The following ALDH1L2 variants were observed in gnomAD, a reference collection of about 807,000 sequenced individuals.
ALDH1L2 encodes the protein aldehyde dehydrogenase 1 family member L2.
ALDH1L2 carries 91 observed loss-of-function variants against 111.0 expected under a neutral mutation model. The observed-to-expected ratio is 0.82, with a 90% CI of 0.69 to 0.98. ALDH1L2 has a LOEUF of 0.98. Ranked by LOEUF, ALDH1L2 falls within the 50% of genes least tolerant of loss-of-function variation. The pLI is 0.00. For missense variants in ALDH1L2, 995 were observed against 1,126.8 expected (o/e 0.88, Z 1.67); for synonymous variants, 374 against 392.6 (o/e 0.95, Z 0.56).
chr12:105,081,252 A>G (rs554329969), intron 1 of ALDH1L2, among the ~76,000 whole-genome samples: 44 of 152,334 alleles, frequency 2.9e-4, no homozygotes, highest in Non-Finnish European at 5.7e-4. Context: ...GCATCTATTA[A>G]TATTATATCC....
chr12:105,028,445 G>A (rs1435528258), intron 21 of ALDH1L2, among the ~76,000 whole-genome samples: 1 of 152,220 alleles, frequency 6.6e-6, no homozygotes, highest in Non-Finnish European at 1.5e-5. Flanking sequence ...CTCCAGCAAA[G>A]ACACAGGATC....
intron 17 of ALDH1L2, among the ~76,000 whole-genome samples, chr12:105,038,547 G>A (rs963113404): frequency 2.0e-5 from 3 of 152,000 alleles, no homozygotes; most frequent in Non-Finnish European, 4.4e-5. Context: ...TGTGACTGTA[G>A]TGTCAGCTAC....
chr12:105,053,063 A>T (rs757961795), intron 10 of ALDH1L2, 132 bp from the exon 11 acceptor site: 5 of 1,096,520 alleles, frequency 4.6e-6, no homozygotes, highest in Non-Finnish European at 6.5e-6. Context: ...TGTACAGAAG[A>T]CATGCATATG....
chr12:105,052,121 T>C lies in ALDH1L2; in HGVS notation c.1504A>G (p.Asn502Asp). 6.2e-7 allele frequency: 1 copy of C among 1,610,226 alleles called. No homozygotes were observed. The highest frequency in any genetic ancestry group is 1.3e-5 in the African/African-American group (1 of 74,898). Residue 502 changes from asparagine to aspartate, a missense_variant, in exon 12 of 23, where the codon AAT (asparagine) becomes GAT (aspartate). Transcript: ENST00000258494. ...ATCAATCTTCCTCTTTCTCTTGCAT[T>C]CATTCTTCCCCATTCACCGTTTTCA... Reference protein sequence around the residue: ...AFENGEWGRMNARERGRLMYR... With the variant: ...AFENGEWGRMDARERGRLMYR...
At chr12:105,045,414 G>A (rs1043008375) in intron 15 of ALDH1L2, among the ~76,000 whole-genome samples, 1 of 151,726 alleles carries the variant, frequency 6.6e-6, no homozygotes, top group Non-Finnish European at 1.5e-5. Context: ...CCATTAATTA[G>A]CAATATATAC....
intron 3 of ALDH1L2, among the ~76,000 whole-genome samples, chr12:105,069,481 T>C (rs1877556616): frequency 6.6e-6 from 1 of 152,210 alleles, no homozygotes; most frequent in South Asian, 2.1e-4. Context: ...AGAAATTGAC[T>C]GGCATTGCTA....
intron 4 of ALDH1L2, among the ~76,000 whole-genome samples, chr12:105,067,877 A>G (rs925677227): frequency 3.9e-5 from 6 of 152,238 alleles, no homozygotes; most frequent in African/African-American, 1.2e-4. Flanking sequence ...AGCACCTACC[A>G]TGGGCCAGAT....
chr12:105,031,202 G>A (rs1472598469), intron 20 of ALDH1L2, among the ~76,000 whole-genome samples: 2 of 152,134 alleles, frequency 1.3e-5, no homozygotes, highest in African/African-American at 4.8e-5. Context: ...GTACAGCTCA[G>A]TGTTATGAGA....
At chr12:105,082,086 C>G (rs1314742550) in intron 1 of ALDH1L2, among the ~76,000 whole-genome samples, 1 of 152,172 alleles carries the variant, frequency 6.6e-6, no homozygotes, top group African/African-American at 2.4e-5. Context: ...CCCAGCTACT[C>G]AAAAGGCTGA....
chr12:105,042,627 G>C (rs1023916803), intron 15 of ALDH1L2, among the ~76,000 whole-genome samples: 4 of 152,064 alleles, frequency 2.6e-5, no homozygotes, highest in African/African-American at 9.7e-5. Context: ...TGGGGACTAT[G>C]CTTCCAAAAG....
chr12:105,071,644 T>TATA (rs56181175), intron 2 of ALDH1L2, among the ~76,000 whole-genome samples: 4 of 11,566 alleles, frequency 3.5e-4, no homozygotes, highest in African/African-American at 6.6e-4. Flanking sequence ...ATATATATAT[T>TATA]TTTTTTTTTT....
chr12:105,035,755 A>C (rs182528629), intron 18 of ALDH1L2, among the ~76,000 whole-genome samples: 1 of 150,160 alleles, frequency 6.7e-6, no homozygotes, highest in Non-Finnish European at 1.5e-5. Flanking sequence ...AATTTTGTGC[A>C]TTTTCCCTTT....
chr12:105,053,989 CATA>C (rs1436303623), intron 10 of ALDH1L2, among the ~76,000 whole-genome samples: 4 of 151,790 alleles, frequency 2.6e-5, no homozygotes, highest in African/African-American at 9.7e-5. Flanking sequence ...AATAATATTA[CATA>C]ATAACATCCA....
intron 1 of ALDH1L2, among the ~76,000 whole-genome samples, chr12:105,077,102 A>C (rs1305847379): frequency 6.6e-6 from 1 of 152,236 alleles, no homozygotes; most frequent in Non-Finnish European, 1.5e-5. Flanking sequence ...GAATAGTTCC[A>C]TCAGCCTGTT....
At chr12:105,051,489 T>C (rs936691994) in intron 12 of ALDH1L2, among the ~76,000 whole-genome samples, 3 of 150,130 alleles carry the variant, frequency 2.0e-5, no homozygotes, top group African/African-American at 7.4e-5. Flanking sequence ...GACCTTGACA[T>C]AGCAGCTTCC....
intron 17 of ALDH1L2, 40 bp downstream of exon 17, chr12:105,039,673 T>A (rs1375845890): frequency 2.5e-6 from 4 of 1,568,706 alleles, no homozygotes; most frequent in Non-Finnish European, 3.5e-6. Context: ...AAACCTAGTT[T>A]AACAGGATCT....
chr12:105,034,774 A>G (rs759177451), intron 18 of ALDH1L2, among the ~76,000 whole-genome samples: 75 of 152,154 alleles, frequency 4.9e-4, no homozygotes, highest in Non-Finnish European at 8.7e-4. Context: ...TCACAAGGTC[A>G]GGAGTTCAAG....
intron 12 of ALDH1L2, among the ~76,000 whole-genome samples, chr12:105,051,370 G>A (rs1017276549): frequency 6.6e-6 from 1 of 152,158 alleles, no homozygotes; most frequent in Non-Finnish European, 1.5e-5. Flanking sequence ...CTCCCTCGCT[G>A]ATAGGCTGTG....
At position 105,058,175 on chromosome 12, in the gene ALDH1L2, C is replaced by T. The variant is rs1399119462; in HGVS notation, c.1185G>A (p.Gln395=). 2 of 1,611,968 alleles carry T rather than the reference C, an allele frequency of 1.2e-6. No individual in the cohort carries two copies. The highest frequency in any genetic ancestry group is 1.3e-5 in the African/African-American group (1 of 74,834). The stretch of plus-strand genomic sequence containing the variant: ...TGGTGGCCATATAGACATCTTCATT[C>T]TGCAACTGAAGCCCACCACATTTCT... ...IRQKCGGLQL[Q]NEDVYMATKF... The change falls in exon 10 of 23, where the codon CAG becomes CAA. Residue 395 remains glutamine, a synonymous_variant. Transcript: ENST00000258494.
Sources: allele counts gnomAD v4.1 joint callset (sites outside exome capture counted in the v4.1 genomes callset), GRCh38; gene constraint gnomAD v4.1.1; transcripts MANE v1.5; gene names NCBI Gene and HGNC (gene_info 2026-07-23, HGNC 2026-07-21).